Variants in QSOX2 observed in about 807,000 individuals in gnomAD.
QSOX2 encodes the protein sulfhydryl oxidase 2.
Under a neutral mutation model 61.7 loss-of-function variants are expected in QSOX2, and 46 were observed. The observed-to-expected ratio is 0.75, with a 90% CI of 0.59 to 0.95. QSOX2 has a LOEUF of 0.95. Ranked by LOEUF, QSOX2 falls within the 40% of genes least tolerant of loss-of-function variation. QSOX2 has a pLI of 0.00. For missense variants in QSOX2, 879 were observed against 918.9 expected, an observed-to-expected ratio of 0.96 and a Z score of 0.56; for synonymous variants, 383 against 388.4, an observed-to-expected ratio of 0.99 and a Z score of 0.16.
chr9:136,240,290 A>AATAACTCT (rs1830424122), intron 1 of QSOX2, among the ~76,000 whole-genome samples: 1 of 152,260 alleles, frequency 6.6e-6, no homozygotes, highest in Non-Finnish European at 1.5e-5. Flanking sequence ...GTGCTTGTCA[A>AATAACTCT]ATAACTCTAA....
rs1830217255 is a variant in QSOX2 at position 136,221,834 on chromosome 9, G to A, written c.783C>T (p.Tyr261=). Residue 261 remains tyrosine, a synonymous_variant, in exon 6 of 12, where the codon TAC becomes TAT. Transcript: ENST00000358701. The surrounding 1 kb of genome is among the most constrained non-coding windows in gnomAD (Gnocchi z 4.5). ...CATGCGACCCATTTGGGTAGATCAG[G>A]TAACACGAAGGGACTGAAGAAACAC... is the stretch of plus-strand genomic sequence containing the variant. ...KLGVSSVPSC[Y]LIYPNGSHGL... 3 of 1,612,600 alleles carry A rather than the reference G, an allele frequency of 1.9e-6. No individual in the cohort carries two copies. The highest frequency in any genetic ancestry group is 2.5e-6 in the Non-Finnish European group (3 of 1,179,408).
chr9:136,238,324 T>C (rs529467326), intron 1 of QSOX2, among the ~76,000 whole-genome samples: 15 of 152,320 alleles, frequency 9.8e-5, no homozygotes, highest in African/African-American at 3.6e-4. Context: ...GCATCTCAGG[T>C]GCGTGCCCAC....
chr9:136,227,931 G>C (rs938805415), intron 1 of QSOX2, among the ~76,000 whole-genome samples: 2 of 152,038 alleles, frequency 1.3e-5, no homozygotes, highest in South Asian at 4.1e-4. Context: ...GTGAGCCGGC[G>C]ACAGGGGGAG....
chr9:136,233,735 C>T (rs558249105), intron 1 of QSOX2, among the ~76,000 whole-genome samples: 2 of 152,162 alleles, frequency 1.3e-5, no homozygotes, highest in African/African-American at 4.8e-5. Flanking sequence ...GAACAGAAGA[C>T]GACGCTGTGG....
intron 1 of QSOX2, among the ~76,000 whole-genome samples, chr9:136,229,237 T>C (rs910360129): frequency 2.0e-5 from 3 of 152,228 alleles, no homozygotes; most frequent in East Asian, 3.8e-4. Context: ...CGGCCACTCC[T>C]TGCCCAAGCC....
intron 6 of QSOX2, among the ~76,000 whole-genome samples, chr9:136,219,652 GC>G (rs1479349573): frequency 6.6e-6 from 1 of 152,048 alleles, no homozygotes; most frequent in Non-Finnish European, 1.5e-5. Context: ...GTGGAGCTGA[GC>G]CCCCTGTGTG....
Position 136,221,697 on chromosome 9 carries a change from G to C in QSOX2, c.821+99C>G. The C allele has an allele frequency of 7.5e-7, 1 of 1,330,348 alleles. No homozygotes were observed. Among genetic ancestry groups the C allele is most frequent in the Non-Finnish European group, 1.0e-6 (1 of 992,656 alleles). 82.4% of individuals were successfully genotyped at this position (1,330,348 alleles called of 1,614,324 possible). A position where few individuals can be genotyped will look rare whatever the true frequency, so the allele number is the denominator to read the frequency against. ...AGGGAAGCGAGGCGGAGGGGCCAGG[G>C]CTCCCCCGATCTCACACCAGACTTG... is the stretch of plus-strand genomic sequence containing the variant. On this transcript the variant is annotated intron_variant, in intron 6 of 11. Coordinates refer to ENST00000358701, the MANE Select transcript of QSOX2 (RefSeq NM_181701.4). This position sits in a 1 kb window ranked among gnomAD's most constrained non-coding sequence, Gnocchi z 4.5.
intron 9 of QSOX2, among the ~76,000 whole-genome samples, chr9:136,215,579 T>C (rs1481654527): frequency 2.0e-5 from 3 of 152,204 alleles, no homozygotes; most frequent in South Asian, 2.1e-4. Flanking sequence ...ACCAGTAATA[T>C]TAAGCATAAA....
At chr9:136,212,612 G>A (rs1319487961) in intron 10 of QSOX2, among the ~76,000 whole-genome samples, 1 of 152,262 alleles carries the variant, frequency 6.6e-6, no homozygotes, top group African/African-American at 2.4e-5. Flanking sequence ...GGGACCGCAG[G>A]CGCTGGCCCT....
At chr9:136,239,700 T>C in intron 1 of QSOX2, among the ~76,000 whole-genome samples, 1 of 152,162 alleles carries the variant, frequency 6.6e-6, no homozygotes, top group East Asian at 1.9e-4. Context: ...ACCACCCCAC[T>C]CAGGGTCAGT....
chr9:136,239,103 G>A (rs182350510), intron 1 of QSOX2, among the ~76,000 whole-genome samples: 1 of 152,338 alleles, frequency 6.6e-6, no homozygotes, highest in South Asian at 2.1e-4. Context: ...GCCCTCTGAC[G>A]CCTTGCTCTA....
intron 1 of QSOX2, among the ~76,000 whole-genome samples, chr9:136,237,160 C>G (rs1830392120): frequency 7.0e-6 from 1 of 143,680 alleles, no homozygotes; most frequent in Non-Finnish European, 1.5e-5. Context: ...CCGTCCTGGG[C>G]CTGCATCACC....
rs767060290 is a variant in QSOX2 at position 136,206,827 on chromosome 9, G to A, written c.*1901C>T. On this transcript the variant is annotated 3_prime_UTR_variant, in exon 12 of 12. Transcript: ENST00000358701. ...GCTGGAGACGGTAAACCACAACACC[G>A]TCCCAGGTCACTCCAGGTCACCCCA... 14 of 152,372 alleles carry A rather than the reference G, an allele frequency of 9.2e-5. No individual in the cohort carries two copies. Among genetic ancestry groups the A allele is most frequent in the Non-Finnish European group, 1.5e-4 (10 of 68,052 alleles). The allele number at this position is 152,372 out of a possible 1,614,324, so 9.4% of individuals were successfully genotyped here.
chr9:136,223,153 AAGG>A lies in QSOX2; in HGVS notation c.675+607_675+609del, dbSNP rs562326890. Among the ~76,000 whole-genome samples the A allele has an allele frequency of 3.3e-3, 501 of 152,260 alleles. 5 individuals are homozygous for A. Among genetic ancestry groups the A allele is most frequent in the Middle Eastern group, 0.017 (5 of 294 alleles). On this transcript the variant is annotated intron_variant, in intron 5 of 11. Coordinates refer to ENST00000358701, the MANE Select transcript of QSOX2 (RefSeq NM_181701.4). This position sits in a 1 kb window ranked among gnomAD's most constrained non-coding sequence, Gnocchi z 4.4. ...GAAAAACAGTCGCCTATCAAGTTGC[AAGG>A]AGGAGGAGGAGAAGCTCAGGGTGAG...
At chr9:136,241,139 T>C (rs892000115) in intron 1 of QSOX2, among the ~76,000 whole-genome samples, 10 of 152,218 alleles carry the variant, frequency 6.6e-5, no homozygotes, top group Admixed American at 6.5e-4. Flanking sequence ...GCTGCTCCGA[T>C]GCACCATCCT....
chr9:136,228,098 A>G (rs1830299382), intron 1 of QSOX2, among the ~76,000 whole-genome samples: 1 of 152,190 alleles, frequency 6.6e-6, no homozygotes, highest in African/African-American at 2.4e-5. Context: ...CATTTCTGTA[A>G]CAGGGCACTC....
intron 9 of QSOX2, among the ~76,000 whole-genome samples, chr9:136,216,242 G>A (rs1831911224): frequency 1.3e-5 from 2 of 152,344 alleles, no homozygotes; most frequent in Middle Eastern, 6.8e-3. Flanking sequence ...CCTGGTCTTG[G>A]GGAAAGCTCT....
At position 136,209,714 on chromosome 9, in the gene QSOX2, T is replaced by C; in HGVS notation, c.1550-439A>G. ...GAGGGTGCACCTGAGGCCCACTACC[T>C]ACAGAGCCCCGGCCACCTGGGTGCT... On this transcript the variant is annotated intron_variant, in intron 11 of 11. Coordinates refer to ENST00000358701, the MANE Select transcript of QSOX2 (RefSeq NM_181701.4). This position sits in a 1 kb window ranked among gnomAD's most constrained non-coding sequence, Gnocchi z 5.6. 1.0e-6 allele frequency: 1 copy of C among 984,294 alleles called. No homozygotes were observed. Among genetic ancestry groups the C allele is most frequent in the East Asian group, 1.2e-4 (1 of 8,574 alleles). The allele number at this position is 984,294 out of a possible 1,614,324, so 61.0% of individuals were successfully genotyped here.
intron 7 of QSOX2, 32 bp from the exon 8 acceptor site, chr9:136,218,840 C>T (rs753109890): frequency 1.2e-6 from 2 of 1,604,202 alleles, no homozygotes; most frequent in East Asian, 2.2e-5. Flanking sequence ...TCAGGGAATG[C>T]CCAACCTTTC....
Sources: allele counts gnomAD v4.1 joint callset (sites outside exome capture counted in the v4.1 genomes callset), GRCh38; gene constraint gnomAD v4.1.1; non-coding constraint Gnocchi (gnomAD v3.1); transcripts MANE v1.5; gene names NCBI Gene and HGNC (gene_info 2026-07-23, HGNC 2026-07-21).